COLEC12: variants seen among roughly 807,000 people sequenced by gnomAD.
COLEC12 encodes the protein collectin subfamily member 12.
A neutral mutation model predicts 71.1 loss-of-function variants in COLEC12; 33 were observed. That is an observed-to-expected ratio of 0.46 (90% CI 0.35 to 0.62). The LOEUF (loss-of-function observed/expected upper bound fraction) is 0.62. Among genes scored for constraint, COLEC12 ranks in the 20% least tolerant of loss-of-function variants. The pLI, the probability that COLEC12 is intolerant of heterozygous loss-of-function variation, is 0.00. For synonymous variants in COLEC12, 350 were observed against 353.0 expected, an observed-to-expected ratio of 0.99 and a Z score of 0.10; for missense variants, 765 against 916.1, an observed-to-expected ratio of 0.84 and a Z score of 2.13.
chr18:406,803 G>A (rs56228140), intron 2 of COLEC12, among the ~76,000 whole-genome samples: 35,934 of 152,166 alleles, frequency 0.24, 5,341 homozygotes, highest in South Asian at 0.47. Flanking sequence ...CTCTTGTGTC[G>A]TTGTGTAATT....
At chr18:396,776 C>T (rs1915580970) in intron 2 of COLEC12, among the ~76,000 whole-genome samples, 1 of 152,226 alleles carries the variant, frequency 6.6e-6, no homozygotes, top group African/African-American at 2.4e-5. Flanking sequence ...TTTCCAGAAA[C>T]CTTGAAAAGT....
intron 2 of COLEC12, among the ~76,000 whole-genome samples, chr18:455,708 T>C (rs1390262260): frequency 6.6e-6 from 1 of 151,708 alleles, no homozygotes; most frequent in Non-Finnish European, 1.5e-5. Flanking sequence ...CCATGTGTTC[T>C]CATTGTTCAA....
At chr18:382,393 T>A (rs1915252343) in intron 2 of COLEC12, among the ~76,000 whole-genome samples, 1 of 152,240 alleles carries the variant, frequency 6.6e-6, no homozygotes, top group South Asian at 2.1e-4. Context: ...AATTTACTTG[T>A]AGGCAAGAAG....
chr18:462,404 A>C (rs1917000366), intron 2 of COLEC12, among the ~76,000 whole-genome samples: 1 of 152,256 alleles, frequency 6.6e-6, no homozygotes, highest in Non-Finnish European at 1.5e-5. Flanking sequence ...TGAAGACATA[A>C]GCCAGACACA....
chr18:442,002 T>TACACACACAGACAC (rs1555620304), intron 2 of COLEC12, among the ~76,000 whole-genome samples: 10 of 120,744 alleles, frequency 8.3e-5, no homozygotes, highest in African/African-American at 3.9e-4. Context: ...TCTCTCTCTC[T>TACACACACAGACAC]ACACACACAC....
chr18:350,561 A>C (rs1200830593), intron 3 of COLEC12, among the ~76,000 whole-genome samples: 1 of 152,290 alleles, frequency 6.6e-6, no homozygotes, highest in Non-Finnish European at 1.5e-5. Flanking sequence ...TCCAAAAGTG[A>C]TTTATGTGAG....
In COLEC12 at chr18:328,301, G is replaced by C. The variant is rs78824297; in HGVS notation, c.2063+3367C>G. ...GGCCACAGATGCAAAGACAAGGAGAGTAAAAGTGAGTCTGACTAGGAGGAG... is the reference window on the plus strand; with the variant it reads ...GGCCACAGATGCAAAGACAAGGAGACTAAAAGTGAGTCTGACTAGGAGGAG... On this transcript the variant is annotated intron_variant, in intron 8 of 9. Coordinates refer to ENST00000400256, the MANE Select transcript of COLEC12 (RefSeq NM_130386.3). Among the ~76,000 whole-genome samples, 791 of 152,312 alleles carry C rather than the reference G, an allele frequency of 5.2e-3. 20 individuals carry two copies. Among genetic ancestry groups the C allele is most frequent in the Admixed American group, 0.036 (556 of 15,298 alleles).
intron 1 of COLEC12, among the ~76,000 whole-genome samples, chr18:489,886 G>T (rs993503227): frequency 2.6e-5 from 4 of 151,948 alleles, no homozygotes; most frequent in Non-Finnish European, 5.9e-5. Flanking sequence ...TACTTAAGAT[G>T]AAAAAAAAGT....
In COLEC12 at chr18:480,586, C is replaced by A. The variant is rs1290417954; in HGVS notation, c.58+121G>T. 1.1e-6 allele frequency: 1 copy of A among 886,460 alleles called. No individual in the cohort carries two copies. The highest frequency in any genetic ancestry group is 1.9e-6 in the Non-Finnish European group (1 of 525,844). 54.9% of individuals were successfully genotyped at this position (886,460 alleles called of 1,614,324 possible). ...TCACTTTCCAACCAAAATTGGACCT[C>A]AGAGCCACAAACACCCATGTGCATG... On this transcript the variant is annotated intron_variant, in intron 2 of 9. Transcript: ENST00000400256. This position sits in a 1 kb window ranked among gnomAD's most constrained non-coding sequence, Gnocchi z 4.1.
At chr18:439,188 T>G (rs1405077625) in intron 2 of COLEC12, among the ~76,000 whole-genome samples, 1 of 152,238 alleles carries the variant, frequency 6.6e-6, no homozygotes, top group East Asian at 1.9e-4. Flanking sequence ...GGTATATTCC[T>G]CACTGTTTTA....
intron 2 of COLEC12, among the ~76,000 whole-genome samples, chr18:430,705 A>G (rs1428409388): frequency 6.6e-6 from 1 of 152,210 alleles, no homozygotes; most frequent in Non-Finnish European, 1.5e-5. Context: ...CAATCATCAT[A>G]CAGACATCCA....
At chr18:347,438 T>G (rs1396957191) in intron 4 of COLEC12, 97 bp from the exon 5 acceptor site, 1 of 991,692 alleles carries the variant, frequency 1.0e-6, no homozygotes, top group Non-Finnish European at 1.5e-6. Flanking sequence ...ATGCACTGTA[T>G]TTTAGATGCA....
At chr18:424,327 C>T (rs988246777) in intron 2 of COLEC12, 43 of 152,178 alleles carry the variant, frequency 2.8e-4, no homozygotes, top group Admixed American at 1.0e-3. Flanking sequence ...TAACACTAAG[C>T]AGTATATAAT....
At chr18:499,347 T>G (rs970965966) in intron 1 of COLEC12, among the ~76,000 whole-genome samples, 31 of 152,162 alleles carry the variant, frequency 2.0e-4, no homozygotes, top group Admixed American at 2.6e-4. Context: ...CCTAACGCCC[T>G]TGGAAAGGGA....
At chr18:425,335 GCAGCTGCCCCTCCCAC>G (rs947668390) in intron 2 of COLEC12, among the ~76,000 whole-genome samples, 7 of 152,142 alleles carry the variant, frequency 4.6e-5, no homozygotes, top group African/African-American at 1.4e-4. Flanking sequence ...TCCAGGCTGG[GCAGCTGCCCCTCCCAC>G]CCAGGGCTCA....
At chr18:405,450 T>A (rs935350493) in intron 2 of COLEC12, among the ~76,000 whole-genome samples, 2 of 152,172 alleles carry the variant, frequency 1.3e-5, no homozygotes, top group Non-Finnish European at 2.9e-5. Flanking sequence ...CAGGCGGGCA[T>A]CACAATCCTA....
intron 8 of COLEC12, among the ~76,000 whole-genome samples, chr18:330,281 T>C (rs1330355173): frequency 6.6e-6 from 1 of 152,168 alleles, no homozygotes; most frequent in Non-Finnish European, 1.5e-5. Flanking sequence ...GCTCAGCTGA[T>C]ACAGGGCTAG....
At chr18:442,267 T>C (rs923142326) in intron 2 of COLEC12, among the ~76,000 whole-genome samples, 1 of 152,200 alleles carries the variant, frequency 6.6e-6, no homozygotes, top group Non-Finnish European at 1.5e-5. Flanking sequence ...AGATGACTTA[T>C]AAATTCAAGT....
chr18:346,228 T>G lies in COLEC12; in HGVS notation c.1327+67A>C. ...ATATTTATTGTTTTAAATTGCCAAG[T>G]TTTAGAGTAACTTGTTATGCAGCAA... On this transcript the variant is annotated intron_variant, in intron 5 of 9. Transcript: ENST00000400256. This position sits in a 1 kb window ranked among gnomAD's most constrained non-coding sequence, Gnocchi z 4.0. 2.4e-6 allele frequency: 3 copies of G among 1,242,142 alleles called. No homozygotes were observed. The East Asian group carries it at 7.0e-5, about 29-fold the overall frequency. The allele number at this position is 1,242,142 out of a possible 1,614,324, so 76.9% of individuals were successfully genotyped here. A position where few individuals can be genotyped will look rare whatever the true frequency, so the allele number is the denominator to read the frequency against.
Sources: allele counts gnomAD v4.1 joint callset (sites outside exome capture counted in the v4.1 genomes callset), GRCh38; gene constraint gnomAD v4.1.1; non-coding constraint Gnocchi (gnomAD v3.1); transcripts MANE v1.5; gene names NCBI Gene and HGNC (gene_info 2026-07-23, HGNC 2026-07-21).